The following GLRA1 variants were observed in gnomAD, a reference collection of about 807,000 sequenced individuals.
GLRA1 encodes glycine receptor alpha 1, also known as glycine receptor subunit alpha-1.
A neutral mutation model predicts 48.3 loss-of-function variants in GLRA1; 37 were observed. The ratio of observed to expected loss-of-function variants is 0.77; its 90% CI spans 0.59 to 1.01. The LOEUF (loss-of-function observed/expected upper bound fraction) is 1.01, where lower values mean the gene tolerates loss of function less well. Among genes scored for constraint, GLRA1 ranks in the 50% least tolerant of loss-of-function variants. GLRA1 has a pLI of 0.00. For missense variants in GLRA1, 427 were observed against 571.0 expected, an observed-to-expected ratio of 0.75 and a Z score of 2.57; for synonymous variants, 196 against 210.7, an observed-to-expected ratio of 0.93 and a Z score of 0.60.
chr5:151,846,550 G>C (rs535459536), intron 7 of GLRA1, among the ~76,000 whole-genome samples: 1 of 152,338 alleles, frequency 6.6e-6, no homozygotes, highest in South Asian at 2.1e-4. Context: ...AGAGCATATT[G>C]TCGAGTTTTG....
intron 3 of GLRA1, 44 bp downstream of exon 3, chr5:151,886,677 A>G (rs745839412): frequency 3.1e-5 from 41 of 1,328,424 alleles, no homozygotes; most frequent in Non-Finnish European, 4.0e-5. Flanking sequence ...TCATGGAGAG[A>G]TATCTCCAGC....
chr5:151,886,301 G>T (rs1428949373), intron 3 of GLRA1, among the ~76,000 whole-genome samples: 1 of 151,910 alleles, frequency 6.6e-6, no homozygotes, highest in Non-Finnish European at 1.5e-5. Flanking sequence ...TTTTTACTGT[G>T]AAAAGTTTTA....
At chr5:151,859,625 G>A (rs1753142515) in intron 4 of GLRA1, among the ~76,000 whole-genome samples, 160 bp downstream of exon 4, 2 of 152,110 alleles carry the variant, frequency 1.3e-5, no homozygotes, top group Admixed American at 6.5e-5. Context: ...CTTACTTGCC[G>A]AGTATAAGTT....
chr5:151,825,100 C>A (rs1055653871), intron 8 of GLRA1, among the ~76,000 whole-genome samples: 2 of 152,118 alleles, frequency 1.3e-5, no homozygotes, highest in African/African-American at 2.4e-5. Flanking sequence ...GATGTGCCAC[C>A]TACAGTGCCT....
intron 3 of GLRA1, among the ~76,000 whole-genome samples, chr5:151,861,681 T>G (rs182812097): frequency 0.015 from 2,227 of 152,224 alleles, 34 homozygotes; most frequent in South Asian, 0.073. Context: ...CCATTCACAA[T>G]TGCTTCAAAG....
At chr5:151,875,304 C>A (rs1753595605) in intron 3 of GLRA1, among the ~76,000 whole-genome samples, 1 of 152,144 alleles carries the variant, frequency 6.6e-6, no homozygotes, top group Non-Finnish European at 1.5e-5. Context: ...TCCTGAATAG[C>A]TGGGCCTACA....
chr5:151,862,405 G>A (rs1324504840), intron 3 of GLRA1, among the ~76,000 whole-genome samples: 24 of 152,160 alleles, frequency 1.6e-4, no homozygotes, highest in Admixed American at 1.6e-3. Context: ...CAAAAGCAAT[G>A]GCAACAAAAT....
At position 151,911,633 on chromosome 5, in the gene GLRA1, T is replaced by C. The variant is rs1050099716; in HGVS notation, c.56+12861A>G. 1.1e-4 allele frequency among the ~76,000 whole-genome samples: 14 copies of C among 124,906 alleles called. No homozygotes were observed. The East Asian group carries it at 3.2e-3, about 28-fold the overall frequency. 81.9% of individuals were successfully genotyped at this position (124,906 alleles called of 152,430 possible). ...TTTTTTTTTTTTTTTTGAGATGGAG[T>C]CTCACTCTTTTGCCCAGGCCGGAGT... On this transcript the variant is annotated intron_variant, in intron 1 of 8. Coordinates refer to ENST00000274576, the MANE Select transcript of GLRA1 (RefSeq NM_000171.4).
chr5:151,856,187 T>G, intron 5 of GLRA1, 114 bp downstream of exon 5: 1 of 723,460 alleles, frequency 1.4e-6, no homozygotes, highest in Non-Finnish European at 2.5e-6. Flanking sequence ...TTTTGGGTTA[T>G]TACAGTAATC....
At chr5:151,921,272 C>G (rs1432421794) in intron 1 of GLRA1, among the ~76,000 whole-genome samples, 2 of 152,198 alleles carry the variant, frequency 1.3e-5, no homozygotes, top group Non-Finnish European at 2.9e-5. Flanking sequence ...GGCATTTTCT[C>G]AAGGAAGCTA....
Position 151,877,815 on chromosome 5 carries a change from A to C in GLRA1, c.252+8906T>G, listed in dbSNP as rs6579911. Among the ~76,000 whole-genome samples, 1,397 of 152,358 alleles carry C rather than the reference A, an allele frequency of 9.2e-3. 20 individuals carry two copies. The highest frequency in any genetic ancestry group is 0.031 in the African/African-American group (1,304 of 41,578). The stretch of plus-strand genomic sequence containing the variant: ...ATGATTGTGAGGCCTCCCCAGCCAC[A>C]TGCAACTGTAAGTCCAATAAAGGTC... On this transcript the variant is annotated intron_variant, in intron 3 of 8. Transcript: ENST00000274576.
chr5:151,828,689 A>T (rs996487993), intron 8 of GLRA1, among the ~76,000 whole-genome samples: 1 of 152,184 alleles, frequency 6.6e-6, no homozygotes, highest in African/African-American at 2.4e-5. Context: ...ATAACTTGAT[A>T]ATTTCTGTAG....
At chr5:151,897,391 G>C (rs1368274372) in intron 1 of GLRA1, among the ~76,000 whole-genome samples, 1 of 152,034 alleles carries the variant, frequency 6.6e-6, no homozygotes, top group African/African-American at 2.4e-5. Context: ...GAATGAATCT[G>C]AGAAATGAAA....
intron 1 of GLRA1, among the ~76,000 whole-genome samples, chr5:151,901,157 C>T (rs943729385): frequency 6.6e-6 from 1 of 152,118 alleles, no homozygotes; most frequent in African/African-American, 2.4e-5. Context: ...TGTCTTGGAC[C>T]ACTGGCCTAG....
At chr5:151,905,849 A>G (rs1181060604) in intron 1 of GLRA1, among the ~76,000 whole-genome samples, 2 of 152,146 alleles carry the variant, frequency 1.3e-5, no homozygotes, top group African/African-American at 2.4e-5. Context: ...GCTGGAGGGG[A>G]GAAAGCGAGC....
chr5:151,835,027 C>CAAAAAAAAAAAAAAAAAAAA (rs60718344), intron 7 of GLRA1, among the ~76,000 whole-genome samples: 1 of 52,536 alleles, frequency 1.9e-5, no homozygotes, highest in Admixed American at 2.6e-4. Flanking sequence ...GACAACATCT[C>CAAAAAAAAAAAAAAAAAAAA]AAAAAAAAAA....
chr5:151,915,215 A>G (rs977023385), intron 1 of GLRA1, among the ~76,000 whole-genome samples: 2 of 152,206 alleles, frequency 1.3e-5, no homozygotes, highest in African/African-American at 2.4e-5. Context: ...GTAAACACTC[A>G]ATAAATGCTA....
chr5:151,840,730 GAAAA>G (rs1259146256), intron 7 of GLRA1, among the ~76,000 whole-genome samples: 3 of 97,660 alleles, frequency 3.1e-5, no homozygotes, highest in Non-Finnish European at 4.4e-5. Context: ...ACCAACATCA[GAAAA>G]AAAAAAAACC....
intron 4 of GLRA1, among the ~76,000 whole-genome samples, chr5:151,858,997 G>T (rs1196802756): frequency 6.6e-6 from 1 of 152,120 alleles, no homozygotes; most frequent in Non-Finnish European, 1.5e-5. Flanking sequence ...GGAAACTTTG[G>T]CAGGTTACTT....
Sources: allele counts gnomAD v4.1 joint callset (sites outside exome capture counted in the v4.1 genomes callset), GRCh38; gene constraint gnomAD v4.1.1; transcripts MANE v1.5; gene names NCBI Gene and HGNC (gene_info 2026-07-23, HGNC 2026-07-21).